Variants in SLC13A5 observed in about 807,000 individuals in gnomAD.
SLC13A5 encodes the protein solute carrier family 13 member 5.
A neutral mutation model predicts 56.5 loss-of-function variants in SLC13A5; 25 were observed. The observed-to-expected ratio is 0.44, with a 90% CI of 0.32 to 0.62. The LOEUF (loss-of-function observed/expected upper bound fraction) is 0.62, where lower values mean the gene tolerates loss of function less well. Among genes scored for constraint, SLC13A5 ranks in the 20% least tolerant of loss-of-function variants. The probability of loss-of-function intolerance (pLI) is 0.04; values close to 1 mark genes in which losing one functional copy is unlikely to be tolerated. For missense variants in SLC13A5, 649 were observed against 737.8 expected (o/e 0.88, Z 1.39); for synonymous variants, 307 against 301.5 (o/e 1.02, Z -0.19).
intron 7 of SLC13A5, among the ~76,000 whole-genome samples, chr17:6,694,928 A>G (rs898617113): frequency 6.6e-6 from 1 of 152,126 alleles, no homozygotes; most frequent in Non-Finnish European, 1.5e-5. Context: ...CCTTTCTTCC[A>G]TTCTGACAAC....
chr17:6,706,885 C>A (rs750137957), intron 2 of SLC13A5, 107 bp from the exon 3 acceptor site: 28 of 1,563,340 alleles, frequency 1.8e-5, no homozygotes, highest in Non-Finnish European at 2.2e-5. Context: ...GGGATGCAGG[C>A]TCGAGTGGTG....
intron 5 of SLC13A5, among the ~76,000 whole-genome samples, chr17:6,702,430 G>A (rs918351992): frequency 1.3e-5 from 2 of 152,188 alleles, no homozygotes. Flanking sequence ...CTCACAAGGG[G>A]ACTATAACGA....
chr17:6,688,315 CA>C (rs1425312340), intron 10 of SLC13A5: 1 of 152,118 alleles, frequency 6.6e-6, no homozygotes, highest in East Asian at 1.9e-4. Context: ...CACAGGAAGC[CA>C]ACTCAATGGT....
intron 10 of SLC13A5, chr17:6,688,578 G>C (rs1469401506): frequency 1.3e-5 from 2 of 152,230 alleles, no homozygotes; most frequent in Non-Finnish European, 2.9e-5. Context: ...AGACCAGCCT[G>C]ACCAATGTGG....
intron 6 of SLC13A5, among the ~76,000 whole-genome samples, chr17:6,700,202 T>A (rs903091029): frequency 6.6e-6 from 1 of 152,158 alleles, no homozygotes; most frequent in Non-Finnish European, 1.5e-5. Context: ...AACAATAACT[T>A]TTTTTTAGCT....
At position 6,713,314 on chromosome 17, in the gene SLC13A5, T is replaced by C. The variant is rs568118247; in HGVS notation, c.20A>G (p.Tyr7Cys). The change falls in exon 1 of 12, where the codon TAT (tyrosine) becomes TGT (cysteine). Residue 7 changes from tyrosine (Y) to cysteine (C), a missense_variant. Transcript: ENST00000433363. This position sits in a 1 kb window ranked among gnomAD's most constrained non-coding sequence, Gnocchi z 7.3. ...CACGAAGGACTTGAACTTGGAGACA[T>C]AGCTCAGCGCCGAGGCCATCGCGCG... is the stretch of plus-strand genomic sequence containing the variant. Reference protein sequence around the residue: MASALSYVSKFKSFVIL... With the variant: MASALSCVSKFKSFVIL... 3.7e-6 allele frequency: 6 copies of C among 1,613,792 alleles called. No individual in the cohort carries two copies. Among genetic ancestry groups the C allele is most frequent in the Admixed American group, 3.3e-5 (2 of 60,014 alleles).
In SLC13A5 at chr17:6,684,981, T is replaced by G. The variant is rs78307577; in HGVS notation, c.*1226A>C. On this transcript the variant is annotated 3_prime_UTR_variant, in exon 12 of 12. Transcript: ENST00000433363. ...CTCATGTCTGTCTCTTACAGGGGGG[T>G]TCTGAAGATTCCCACAGCCTCTCTG... 3.9e-5 allele frequency: 1 copy of G among 25,580 alleles called. No individual in the cohort carries two copies. Among genetic ancestry groups the G allele is most frequent in the African/African-American group, 6.2e-5 (1 of 16,254 alleles). The allele number at this position is 25,580 out of a possible 1,614,324, so 1.6% of individuals were successfully genotyped here.
At chr17:6,686,538 C>T (rs945963489) in intron 11 of SLC13A5, 200 bp from the exon 12 acceptor site, 2 of 600,042 alleles carry the variant, frequency 3.3e-6, no homozygotes, top group Admixed American at 6.0e-5. Flanking sequence ...GGGAAGTAGG[C>T]AGAGTGGATG....
At chr17:6,699,349 G>A (rs1205400881) in intron 6 of SLC13A5, among the ~76,000 whole-genome samples, 2 of 152,138 alleles carry the variant, frequency 1.3e-5, no homozygotes, top group Admixed American at 6.5e-5. Context: ...TGGGTGGCCA[G>A]GCAGCCATGC....
intron 3 of SLC13A5, chr17:6,705,318 G>C (rs1448916185): frequency 6.6e-6 from 1 of 152,168 alleles, no homozygotes; most frequent in Non-Finnish European, 1.5e-5. Context: ...CAGTGCCTTG[G>C]ACAACCGGAG....
At position 6,692,029 on chromosome 17, in the gene SLC13A5, C is replaced by T. The variant is rs926359972; in HGVS notation, c.1275+1015G>A. Among the ~76,000 whole-genome samples, 5 of 152,156 alleles carry T rather than the reference C, an allele frequency of 3.3e-5. No individual in the cohort carries two copies. Among genetic ancestry groups the T allele is most frequent in the African/African-American group, 4.8e-5 (2 of 41,432 alleles). On this transcript the variant is annotated intron_variant, in intron 9 of 11. Transcript: ENST00000433363. The surrounding 1 kb of genome is among the most constrained non-coding windows in gnomAD (Gnocchi z 5.5). Reference sequence around the variant, plus strand: ...GCCCCTCCCTAGTCTGTGAAGTCTGCCACGAACAGGGACCGTATCTCAATC... The same window carrying T: ...GCCCCTCCCTAGTCTGTGAAGTCTGTCACGAACAGGGACCGTATCTCAATC...
intron 8 of SLC13A5, 80 bp from the exon 9 acceptor site, chr17:6,693,242 T>C: frequency 1.1e-6 from 1 of 884,882 alleles, no homozygotes; most frequent in African/African-American, 1.8e-5. Context: ...AGAGCAGCAT[T>C]AGAAGACAAA....
At chr17:6,708,270 A>G (rs1973925381) in intron 1 of SLC13A5, among the ~76,000 whole-genome samples, 2 of 152,194 alleles carry the variant, frequency 1.3e-5, no homozygotes, top group Non-Finnish European at 2.9e-5. Context: ...GCCCAACCTC[A>G]GAGTTCCTTC....
chr17:6,706,939 C>G (rs759728328), intron 2 of SLC13A5, 89 bp downstream of exon 2: 3 of 1,583,442 alleles, frequency 1.9e-6, no homozygotes, highest in Non-Finnish European at 2.6e-6. Flanking sequence ...TTTCCGGTCA[C>G]CCCCAGGCCT....
Position 6,707,069 on chromosome 17 carries a change from C to A in SLC13A5, c.190G>T (p.Val64Phe). The change falls in exon 2 of 12, where the codon GTC (valine) becomes TTC (phenylalanine). Residue 64 changes from valine (V) to phenylalanine (F), a missense_variant. By Grantham distance (50) the Val-to-Phe change is conservative (BLOSUM62 -1). Transcript: ENST00000433363. ...IPLAVTSLMPVLLFPLFQILD... is the reference protein window; with the variant it reads ...IPLAVTSLMPFLLFPLFQILD... ...ATCTGGAAGAGTGGGAAAAGCAAGACAGGCATGAGAGAGGTGACAGCCAGA... is the reference window on the plus strand; with the variant it reads ...ATCTGGAAGAGTGGGAAAAGCAAGAAAGGCATGAGAGAGGTGACAGCCAGA... The A allele has an allele frequency of 6.2e-7, 1 of 1,614,088 alleles. No homozygotes were observed. The highest frequency in any genetic ancestry group is 8.5e-7 in the Non-Finnish European group (1 of 1,180,018).
In SLC13A5 at chr17:6,684,938, G is replaced by A. The variant is rs1241884327; in HGVS notation, c.*1269C>T. 6.6e-6 allele frequency: 1 copy of A among 151,786 alleles called. No homozygotes were observed. Among genetic ancestry groups the A allele is most frequent in the Non-Finnish European group, 1.5e-5 (1 of 67,970 alleles). 9.4% of individuals were successfully genotyped at this position (151,786 alleles called of 1,614,324 possible). On this transcript the variant is annotated 3_prime_UTR_variant, in exon 12 of 12. Transcript: ENST00000433363. Reference sequence around the variant, plus strand: ...AAGGAAATAAAATGGACTTGCGGGGGAAAGAAGATGCTTGTCTCTCATGTC... The same window carrying A: ...AAGGAAATAAAATGGACTTGCGGGGAAAAGAAGATGCTTGTCTCTCATGTC...
chr17:6,696,012 A>C (rs1415515748), intron 6 of SLC13A5, 71 bp from the exon 7 acceptor site: 1 of 1,394,282 alleles, frequency 7.2e-7, no homozygotes, highest in Non-Finnish European at 1.0e-6. Flanking sequence ...ATGGAGCCTA[A>C]ATGTTCTACA....
chr17:6,705,255 T>A (rs1255128515), intron 3 of SLC13A5: 2 of 152,196 alleles, frequency 1.3e-5, no homozygotes, highest in African/African-American at 2.4e-5. Flanking sequence ...GGCTTCTACA[T>A]GATATCTCAA....
chr17:6,689,992 C>CCATGTTCA (rs1973353351), intron 10 of SLC13A5: 1 of 134,966 alleles, frequency 7.4e-6, no homozygotes, highest in South Asian at 2.4e-4. Context: ...CTTCTGACTG[C>CCATGTTCA]GAGACCAGGG....
Sources: gnomAD v4.1 joint callset for allele counts (sites outside exome capture counted in the v4.1 genomes callset) on GRCh38, gnomAD v4.1.1 for gene constraint, Gnocchi (gnomAD v3.1) non-coding constraint, MANE v1.5 for transcripts, NCBI Gene and HGNC (gene_info 2026-07-23, HGNC 2026-07-21) for gene names.